ANO1: variants seen among roughly 807,000 people sequenced by gnomAD.
ANO1 encodes anoctamin-1.
Under a neutral mutation model 124.0 loss-of-function variants are expected in ANO1, and 59 were observed. The observed-to-expected ratio is 0.48, with a 90% CI of 0.39 to 0.59. The LOEUF is 0.59. Among genes scored for constraint, ANO1 ranks in the 20% least tolerant of loss-of-function variants. The pLI is 0.00. For missense variants in ANO1, 1,059 were observed against 1,328.0 expected (o/e 0.80, Z 3.15); for synonymous variants, 529 against 532.0 (o/e 0.99, Z 0.08).
chr11:69,969,533 T>C, the ANO1 span, among the ~76,000 whole-genome samples: 2 of 152,180 alleles, frequency 1.3e-5, no homozygotes, highest in Non-Finnish European at 2.9e-5. Context: ...CGTCTCTCTT[T>C]AGACTAGGAA....
chr11:70,135,798 C>T (rs1286584287), intron 11 of ANO1, among the ~76,000 whole-genome samples: 1 of 152,260 alleles, frequency 6.6e-6, no homozygotes, highest in Non-Finnish European at 1.5e-5. Context: ...GTAATGATCC[C>T]ATTTCGAGCT....
chr11:70,102,567 C>A (rs936041467), intron 2 of ANO1, among the ~76,000 whole-genome samples: 1 of 152,170 alleles, frequency 6.6e-6, no homozygotes, highest in African/African-American at 2.4e-5. Context: ...CTGGAGCAGG[C>A]AGAGGTGTGG....
intron 1 of ANO1, chr11:70,072,506 T>C (rs1464133489): frequency 2.6e-5 from 4 of 152,204 alleles, no homozygotes; most frequent in African/African-American, 4.8e-5. Flanking sequence ...GGATTTCCTA[T>C]AAAGATAACT....
Position 70,137,422 on chromosome 11 carries a change from C to G in ANO1, c.1258+5343C>G, listed in dbSNP as rs1429744497. 2.3e-5 allele frequency among the ~76,000 whole-genome samples: 3 copies of G among 132,874 alleles called. 1 individual carries two copies. The highest frequency in any genetic ancestry group is 3.5e-3 in the Middle Eastern group (1 of 284). The allele number at this position is 132,874 out of a possible 152,430, so 87.2% of individuals were successfully genotyped here. On this transcript the variant is annotated intron_variant, in intron 11 of 25. Coordinates refer to ENST00000355303, the MANE Select transcript of ANO1 (RefSeq NM_018043.7). ...ACTATCTCCACAAACCCCCCACCCC[C>G]CCACCCGCCATCACCGCTGTCTGCT... is the stretch of plus-strand genomic sequence containing the variant.
intron 20 of ANO1, 102 bp from the exon 21 acceptor site, chr11:70,167,138 ACT>A (rs1374934777): frequency 2.8e-6 from 4 of 1,417,214 alleles, no homozygotes; most frequent in Non-Finnish European, 3.8e-6. Flanking sequence ...AAAGAGTGAA[ACT>A]CTGTCTCAAA....
intron 1 of ANO1, among the ~76,000 whole-genome samples, chr11:70,048,931 C>T (rs1489839556): frequency 6.6e-6 from 1 of 152,074 alleles, no homozygotes; most frequent in African/African-American, 2.4e-5. Context: ...ATGTCGAGGG[C>T]CACGCCTGGT....
chr11:70,147,438 T>G (rs756037081), intron 11 of ANO1, among the ~76,000 whole-genome samples: 35 of 152,282 alleles, frequency 2.3e-4, no homozygotes, highest in South Asian at 4.1e-4. Flanking sequence ...CTGGGCCCCC[T>G]GTGGCCCTCC....
Position 69,994,439 on chromosome 11 carries a change from G to C in ANO1, c.58+8273G>C, listed in dbSNP as rs563557702. Among the ~76,000 whole-genome samples, 25 of 152,214 alleles carry C rather than the reference G, an allele frequency of 1.6e-4. No individual in the cohort carries two copies. The East Asian group carries it at 4.8e-3, about 29-fold the overall frequency. ...GGATGGATGAATAAATGAATGGATA[G>C]AGAGATGGAAGAATGGAGGAATGGA... On this transcript the variant is annotated intron_variant, in intron 1 of 27. Coordinates refer to the ANO1 transcript ENST00000531349.
At chr11:69,967,009 G>A in the ANO1 span, among the ~76,000 whole-genome samples, 1 of 152,194 alleles carries the variant, frequency 6.6e-6, no homozygotes, top group Non-Finnish European at 1.5e-5. Context: ...ACTGGGAAAT[G>A]TTTACAGCAT....
intron 11 of ANO1, among the ~76,000 whole-genome samples, chr11:70,140,060 C>T (rs992713385): frequency 5.9e-5 from 9 of 152,192 alleles, no homozygotes; most frequent in East Asian, 3.9e-4. Flanking sequence ...GGCTCTACAC[C>T]GGCTCTCTCT....
intron 1 of ANO1, among the ~76,000 whole-genome samples, chr11:70,005,131 G>T (rs1292863787): frequency 3.2e-5 from 4 of 125,158 alleles, no homozygotes; most frequent in Non-Finnish European, 7.1e-5. Context: ...AAAAAAAATT[G>T]GTGACAGAAA....
upstream of ANO1, among the ~76,000 whole-genome samples, chr11:69,983,390 G>T (rs542194930): frequency 4.6e-5 from 7 of 152,338 alleles, no homozygotes; most frequent in South Asian, 1.5e-3. Context: ...ATTGTGCTGT[G>T]TGATTACTGT....
chr11:69,967,221 C>T, the ANO1 span, among the ~76,000 whole-genome samples: 3 of 148,158 alleles, frequency 2.0e-5, no homozygotes, highest in African/African-American at 7.4e-5. Context: ...AGGCTCCGAG[C>T]GCCCGTATCA....
chr11:69,968,176 C>T, the ANO1 span, among the ~76,000 whole-genome samples: 7 of 152,134 alleles, frequency 4.6e-5, no homozygotes, highest in Admixed American at 2.0e-4. Flanking sequence ...TGTGGGAACT[C>T]GGGAACACTG....
chr11:69,991,244 T>C (rs192164254), intron 1 of ANO1, among the ~76,000 whole-genome samples: 157 of 152,364 alleles, frequency 1.0e-3, no homozygotes, highest in Non-Finnish European at 1.6e-3. Context: ...CTTTTGAGCA[T>C]GTTAATAATT....
intron 11 of ANO1, among the ~76,000 whole-genome samples, chr11:70,146,845 A>G (rs2047396307): frequency 6.6e-6 from 1 of 152,148 alleles, no homozygotes; most frequent in Admixed American, 6.5e-5. Flanking sequence ...GAGAAAGATG[A>G]AGGCCGGAAG....
chr11:70,095,265 A>C (rs2044812760), intron 2 of ANO1, among the ~76,000 whole-genome samples: 1 of 78,094 alleles, frequency 1.3e-5, no homozygotes, highest in Non-Finnish European at 2.8e-5. Context: ...GGAAGGAAGG[A>C]AGGAAGGAAG....
chr11:70,109,871 G>C (rs865786710), intron 6 of ANO1, among the ~76,000 whole-genome samples: 1 of 152,084 alleles, frequency 6.6e-6, no homozygotes, highest in Non-Finnish European at 1.5e-5. Context: ...CCTGCACCTG[G>C]TGACGGGGCA....
chr11:70,014,323 G>A (rs1027815139), intron 1 of ANO1, among the ~76,000 whole-genome samples: 5 of 88,424 alleles, frequency 5.7e-5, no homozygotes, highest in African/African-American at 1.8e-4. Flanking sequence ...CCCACTCCCC[G>A]CCCCTGAGCC....
Sources: allele counts gnomAD v4.1 joint callset (sites outside exome capture counted in the v4.1 genomes callset), GRCh38; gene constraint gnomAD v4.1.1; transcripts MANE v1.5; gene names NCBI Gene and HGNC (gene_info 2026-07-23, HGNC 2026-07-21).